The following OPRM1 variants were observed in gnomAD, a reference collection of about 807,000 sequenced individuals.
The protein encoded by OPRM1 is opioid receptor mu 1.
OPRM1 carries 27 observed loss-of-function variants against 31.8 expected under a neutral mutation model. The observed-to-expected ratio is 0.85, with a 90% CI of 0.63 to 1.17. The LOEUF (loss-of-function observed/expected upper bound fraction) is 1.17. OPRM1 is among the 50% of genes most tolerant of loss of function. The pLI, the probability that OPRM1 is intolerant of heterozygous loss-of-function variation, is 0.00. For synonymous variants in OPRM1, 196 were observed against 189.9 expected (o/e 1.03, Z -0.26); for missense variants, 536 against 511.1 (o/e 1.05, Z -0.47).
intron 3 of OPRM1, among the ~76,000 whole-genome samples, chr6:154,203,025 T>G (rs1777196916): frequency 6.6e-6 from 1 of 152,190 alleles, no homozygotes; most frequent in Admixed American, 6.5e-5. Context: ...GGATTCAGTA[T>G]GAAAACACGC....
chr6:154,093,176 C>T (rs1792676871), intron 3 of OPRM1: 2 of 1,081,162 alleles, frequency 1.8e-6, no homozygotes, highest in Non-Finnish European at 2.7e-6. Context: ...ATGCCTAGTC[C>T]TCAGCTAAGG....
Position 154,204,403 on chromosome 6 carries a change from A to G in OPRM1, c.1165-42290A>G, listed in dbSNP as rs116584191. On this transcript the variant is annotated intron_variant, in intron 3 of 3. Coordinates refer to the OPRM1 transcript ENST00000337049. ...CAAAACAAAACCAAAATGACAAGAA[A>G]GGAAGAAAAGTACACAGCTTCCCTT... 7.0e-3 allele frequency among the ~76,000 whole-genome samples: 1,059 copies of G among 152,326 alleles called. 14 individuals carry two copies. Among genetic ancestry groups the G allele is most frequent in the African/African-American group, 0.025 (1,026 of 41,574 alleles).
At chr6:154,109,139 A>G (rs1463976266) in intron 3 of OPRM1, 1 of 573,570 alleles carries the variant, frequency 1.7e-6, no homozygotes, top group African/African-American at 2.0e-5. Context: ...GTGTTCAGAG[A>G]TGAATAACCA....
chr6:154,015,206 G>A (rs1777935950), intron 1 of OPRM1, among the ~76,000 whole-genome samples: 1 of 152,004 alleles, frequency 6.6e-6, no homozygotes, highest in African/African-American at 2.4e-5. Flanking sequence ...GGGAAAAAAA[G>A]CAAACATATG....
At chr6:154,226,423 G>A (rs1197065145) in intron 3 of OPRM1, among the ~76,000 whole-genome samples, 1 of 151,864 alleles carries the variant, frequency 6.6e-6, no homozygotes, top group African/African-American at 2.4e-5. Context: ...CTTGACTTCA[G>A]TGAATAATAT....
At chr6:154,017,906 G>A (rs1442868486) in intron 1 of OPRM1, among the ~76,000 whole-genome samples, 1 of 152,134 alleles carries the variant, frequency 6.6e-6, no homozygotes, top group African/African-American at 2.4e-5. Context: ...AAACCACCTA[G>A]TCAATTAAGC....
intron 3 of OPRM1, among the ~76,000 whole-genome samples, chr6:154,167,028 C>T (rs530165840): frequency 7.2e-5 from 11 of 152,258 alleles, no homozygotes; most frequent in South Asian, 2.1e-4. Flanking sequence ...CTAACTGGGA[C>T]GCCTAAGAGC....
At chr6:154,112,769 A>G (rs915732204) in intron 3 of OPRM1, among the ~76,000 whole-genome samples, 3 of 152,200 alleles carry the variant, frequency 2.0e-5, no homozygotes, top group African/African-American at 4.8e-5. Context: ...TTATACGATT[A>G]TGCCACCCTA....
intron 1 of OPRM1, among the ~76,000 whole-genome samples, chr6:154,080,165 TC>T (rs1213963562): frequency 6.6e-6 from 1 of 152,230 alleles, no homozygotes; most frequent in African/African-American, 2.4e-5. Context: ...CAAGATCATT[TC>T]TTATATGAGC....
intron 3 of OPRM1, chr6:154,212,665 G>T: frequency 2.8e-6 from 2 of 724,402 alleles, no homozygotes; most frequent in Non-Finnish European, 4.7e-6. Context: ...TCTTAATTTA[G>T]CCCATTCTAA....
intron 1 of OPRM1, among the ~76,000 whole-genome samples, chr6:154,051,497 T>C (rs914847494): frequency 6.6e-6 from 1 of 152,214 alleles, no homozygotes; most frequent in Admixed American, 6.5e-5. Flanking sequence ...ACCCCTTCAT[T>C]GCATGAAGAG....
intron 3 of OPRM1, among the ~76,000 whole-genome samples, chr6:154,211,083 A>C (rs1413849629): frequency 6.6e-6 from 1 of 152,188 alleles, no homozygotes; most frequent in African/African-American, 2.4e-5. Flanking sequence ...ACTTGCCATC[A>C]TTTGGGTCTA....
chr6:154,069,107 C>T (rs1433271515), intron 1 of OPRM1, among the ~76,000 whole-genome samples: 3 of 151,992 alleles, frequency 2.0e-5, no homozygotes, highest in Non-Finnish European at 4.4e-5. Context: ...GATATCAGCC[C>T]CTTATCAGCT....
chr6:154,241,234 C>CAAA (rs11308882), intron 3 of OPRM1, among the ~76,000 whole-genome samples: 9 of 79,200 alleles, frequency 1.1e-4, no homozygotes, highest in South Asian at 4.9e-4. Flanking sequence ...GACTCCATCT[C>CAAA]AAAAAAAAAA....
intron 3 of OPRM1, among the ~76,000 whole-genome samples, chr6:154,141,544 T>C (rs772704195): frequency 7.2e-5 from 11 of 152,220 alleles, no homozygotes; most frequent in Non-Finnish European, 1.0e-4. Context: ...GATGTGCAGC[T>C]GTGACACAGC....
intron 1 of OPRM1, among the ~76,000 whole-genome samples, chr6:154,058,150 G>C (rs376702843): frequency 6.6e-6 from 1 of 151,994 alleles, no homozygotes; most frequent in Admixed American, 6.5e-5. Flanking sequence ...TAAAATAACA[G>C]CATATGAATG....
intron 3 of OPRM1, chr6:154,221,263 A>C: frequency 6.2e-7 from 1 of 1,613,846 alleles, no homozygotes; most frequent in Non-Finnish European, 8.5e-7. Context: ...TTACACGTTC[A>C]TTTCCTGCAC....
chr6:154,193,155 G>A lies in OPRM1; in HGVS notation c.1165-53538G>A, dbSNP rs145784585. Among the ~76,000 whole-genome samples, 375 of 152,126 alleles carry A rather than the reference G, an allele frequency of 2.5e-3. 10 individuals are homozygous for A. The East Asian group carries it at 0.06, about 25-fold the overall frequency. On this transcript the variant is annotated intron_variant, in intron 3 of 3. Coordinates refer to the OPRM1 transcript ENST00000337049. ...GTCAACAAGTGGATAAAGAAACTGTGGTACATATATACCATAGAATACTAC... is the reference window on the plus strand; with the variant it reads ...GTCAACAAGTGGATAAAGAAACTGTAGTACATATATACCATAGAATACTAC...
chr6:154,241,797 C>G (rs1780617937), intron 3 of OPRM1, among the ~76,000 whole-genome samples: 1 of 152,160 alleles, frequency 6.6e-6, no homozygotes, highest in South Asian at 2.1e-4. Context: ...AGCTCACCTT[C>G]CGGCTCAAGA....
Sources: gnomAD v4.1 joint callset for allele counts (sites outside exome capture counted in the v4.1 genomes callset) on GRCh38, gnomAD v4.1.1 for gene constraint, MANE v1.5 for transcripts, NCBI Gene and HGNC (gene_info 2026-07-23, HGNC 2026-07-21) for gene names.